TTC29: variants seen among roughly 807,000 people sequenced by gnomAD.
TTC29 encodes tetratricopeptide repeat protein 29.
A neutral mutation model predicts 58.1 loss-of-function variants in TTC29; 49 were observed. That is an observed-to-expected ratio of 0.84 (90% CI 0.67 to 1.07). The LOEUF is 1.07. Ranked by LOEUF, TTC29 falls within the 50% of genes least tolerant of loss-of-function variation. The probability of loss-of-function intolerance (pLI) is 0.00; values close to 1 mark genes in which losing one functional copy is unlikely to be tolerated. For missense variants in TTC29, 582 were observed against 555.6 expected (o/e 1.05, Z -0.48); for synonymous variants, 209 against 196.8 (o/e 1.06, Z -0.52).
intron 8 of TTC29, among the ~76,000 whole-genome samples, chr4:146,843,577 G>A (rs1353644414): frequency 6.6e-6 from 1 of 152,024 alleles, no homozygotes; most frequent in Non-Finnish European, 1.5e-5. Context: ...TCTGCCATGA[G>A]CTCATTGTGT....
chr4:146,808,905 T>TA (rs200102079), intron 10 of TTC29, among the ~76,000 whole-genome samples: 9,184 of 151,846 alleles, frequency 0.06, 386 homozygotes, highest in Admixed American at 0.13. Context: ...CATATGGAAC[T>TA]AAAAAAAGAG....
At chr4:146,889,293 G>A (rs1732197158) in intron 6 of TTC29, among the ~76,000 whole-genome samples, 2 of 152,120 alleles carry the variant, frequency 1.3e-5, no homozygotes, top group Middle Eastern at 3.4e-3. Flanking sequence ...TTTACCAGCT[G>A]TAAAAACCTA....
intron 11 of TTC29, among the ~76,000 whole-genome samples, chr4:146,778,912 G>A (rs1748327848): frequency 7.4e-6 from 1 of 134,336 alleles, no homozygotes; most frequent in East Asian, 2.3e-4. Flanking sequence ...TACACTAAAA[G>A]CGCAGACTTT....
intron 8 of TTC29, among the ~76,000 whole-genome samples, chr4:146,858,079 T>C (rs527479654): frequency 7.4e-4 from 113 of 152,356 alleles, no homozygotes; most frequent in South Asian, 1.7e-3. Flanking sequence ...TATAGTTACA[T>C]CAATCTGTAG....
intron 9 of TTC29, among the ~76,000 whole-genome samples, chr4:146,823,539 C>T (rs899811308): frequency 6.6e-6 from 1 of 152,152 alleles, no homozygotes; most frequent in African/African-American, 2.4e-5. Flanking sequence ...TAGCATGATG[C>T]CTCCAGCTTT....
chr4:146,832,932 T>C (rs1466217206), intron 9 of TTC29, among the ~76,000 whole-genome samples: 2 of 152,234 alleles, frequency 1.3e-5, no homozygotes, highest in East Asian at 1.9e-4. Flanking sequence ...ACTTATATAA[T>C]GATTCCAATT....
In TTC29 at chr4:146,836,009, C is replaced by T. The variant is rs142147966; in HGVS notation, c.886-2112G>A. On this transcript the variant is annotated intron_variant, in intron 8 of 12. Transcript: ENST00000325106. ...TGCAGCCTGCTGAAATGAACACTAA[C>T]CTTAGAATAAGAATACTTGGATTCA... is the stretch of plus-strand genomic sequence containing the variant. 4.6e-5 allele frequency among the ~76,000 whole-genome samples: 7 copies of T among 152,230 alleles called. No individual in the cohort carries two copies. In the South Asian group the frequency reaches 8.3e-4, roughly 18 times the overall value.
At chr4:146,707,986 C>A (rs1238535766) in intron 11 of TTC29, among the ~76,000 whole-genome samples, 1 of 151,938 alleles carries the variant, frequency 6.6e-6, no homozygotes, top group Non-Finnish European at 1.5e-5. Flanking sequence ...GGAATGGCCA[C>A]GTATAGATGT....
At chr4:146,759,687 C>A (rs569799337) in intron 11 of TTC29, among the ~76,000 whole-genome samples, 25 of 152,176 alleles carry the variant, frequency 1.6e-4, no homozygotes, top group Non-Finnish European at 2.6e-4. Flanking sequence ...ACAAAAATCA[C>A]ATGATCATTT....
intron 11 of TTC29, among the ~76,000 whole-genome samples, chr4:146,751,865 G>T (rs2150048893): frequency 6.6e-6 from 1 of 151,968 alleles, no homozygotes; most frequent in East Asian, 1.9e-4. Context: ...ATACAAAATA[G>T]AAAAATCATA....
At chr4:146,934,563 C>T (rs1011948769) in intron 4 of TTC29, among the ~76,000 whole-genome samples, 20 of 152,032 alleles carry the variant, frequency 1.3e-4, no homozygotes, top group African/African-American at 4.4e-4. Context: ...ATTGAGTAGC[C>T]GTTGGGTTAT....
chr4:146,940,682 C>A (rs528671064), intron 2 of TTC29, among the ~76,000 whole-genome samples: 186 of 152,306 alleles, frequency 1.2e-3, no homozygotes, highest in African/African-American at 4.2e-3. Flanking sequence ...TGGGACTCAA[C>A]TGGGGCTATC....
chr4:146,880,425 G>A (rs757346900), intron 6 of TTC29, among the ~76,000 whole-genome samples: 12 of 152,026 alleles, frequency 7.9e-5, no homozygotes, highest in Non-Finnish European at 1.8e-4. Flanking sequence ...AAATCTATCC[G>A]TTTATTTAAA....
At chr4:146,754,323 T>C (rs1746266403) in intron 11 of TTC29, among the ~76,000 whole-genome samples, 2 of 151,924 alleles carry the variant, frequency 1.3e-5, no homozygotes, top group South Asian at 2.1e-4. Flanking sequence ...GGATATCTTT[T>C]AAACAAATAA....
chr4:146,917,605 T>C (rs959726768), intron 4 of TTC29, among the ~76,000 whole-genome samples: 1 of 108,672 alleles, frequency 9.2e-6, no homozygotes, highest in Non-Finnish European at 1.8e-5. Context: ...CATTATATAT[T>C]ATTTATAATA....
intron 6 of TTC29, among the ~76,000 whole-genome samples, chr4:146,878,061 C>A (rs1481707909): frequency 1.3e-5 from 2 of 152,110 alleles, no homozygotes; most frequent in Admixed American, 1.3e-4. Flanking sequence ...CTCTGTGTTA[C>A]CTTACTGAGT....
intron 11 of TTC29, among the ~76,000 whole-genome samples, chr4:146,734,795 G>A (rs1744601213): frequency 6.6e-6 from 1 of 152,084 alleles, no homozygotes; most frequent in South Asian, 2.1e-4. Context: ...TGGTGGCAGT[G>A]ATGGGATCTG....
intron 6 of TTC29, among the ~76,000 whole-genome samples, chr4:146,900,398 C>T (rs1190545328): frequency 6.6e-6 from 1 of 152,148 alleles, no homozygotes; most frequent in African/African-American, 2.4e-5. Flanking sequence ...TGTATTTCAT[C>T]ATCCAATAGG....
At position 146,850,574 on chromosome 4, in the gene TTC29, TGG is replaced by T. The variant is rs371140337; in HGVS notation, c.886-16679_886-16678del. Among the ~76,000 whole-genome samples, 585 of 152,304 alleles carry T rather than the reference TGG, an allele frequency of 3.8e-3. 6 individuals carry two copies. The highest frequency in any genetic ancestry group is 0.013 in the African/African-American group (542 of 41,568). Reference sequence around the variant, plus strand: ...AATGACTTGCCCAAGGCCAAGAGCTTGGTGACAAAAACCACAACCAGAATCCA... The same window carrying T: ...AATGACTTGCCCAAGGCCAAGAGCTTTGACAAAAACCACAACCAGAATCCA... On this transcript the variant is annotated intron_variant, in intron 8 of 12. Coordinates refer to ENST00000325106, the MANE Select transcript of TTC29 (RefSeq NM_031956.4).
Sources: gnomAD v4.1 joint callset for allele counts (sites outside exome capture counted in the v4.1 genomes callset) on GRCh38, gnomAD v4.1.1 for gene constraint, MANE v1.5 for transcripts, NCBI Gene and HGNC (gene_info 2026-07-23, HGNC 2026-07-21) for gene names.